The following MTREX variants were observed in gnomAD, a reference collection of about 807,000 sequenced individuals.
The protein encoded by MTREX is exosome RNA helicase MTR4.
In MTREX, 76 loss-of-function variants were observed where a neutral mutation model predicts 135.4. The ratio of observed to expected loss-of-function variants is 0.56; its 90% CI spans 0.47 to 0.68. The LOEUF is 0.68. Among genes scored for constraint, MTREX ranks in the 30% least tolerant of loss-of-function variants. MTREX has a pLI of 0.00. For missense variants in MTREX, 920 were observed against 1,262.1 expected, an observed-to-expected ratio of 0.73 and a Z score of 4.11; for synonymous variants, 404 against 401.6, an observed-to-expected ratio of 1.01 and a Z score of -0.07.
Position 55,327,787 on chromosome 5 carries a change from T to G in MTREX, c.402+9T>G, listed in dbSNP as rs780740175. The G allele has an allele frequency of 1.5e-5, 24 of 1,601,448 alleles. No individual in the cohort carries two copies. Among genetic ancestry groups the G allele is most frequent in the Non-Finnish European group, 2.1e-5 (24 of 1,169,090 alleles). On this transcript the variant is annotated intron_variant, in intron 4 of 26. Coordinates refer to ENST00000230640, the MANE Select transcript of MTREX (RefSeq NM_015360.5). ...TTGGAAAAGCTGCTAAGGTCTGTAC[T>G]TTGGGTAATACAGTTTATATAGTTT...
chr5:55,367,553 G>T (rs1200649101), intron 16 of MTREX, among the ~76,000 whole-genome samples: 3 of 151,846 alleles, frequency 2.0e-5, no homozygotes, highest in Admixed American at 6.6e-5. Flanking sequence ...ATAAAAGAGT[G>T]CCCTGGCATA....
chr5:55,368,655 G>A (rs1750143734), intron 16 of MTREX, among the ~76,000 whole-genome samples: 1 of 152,078 alleles, frequency 6.6e-6, no homozygotes, highest in Admixed American at 6.5e-5. Context: ...GCAGTGGTAC[G>A]ATCACAACTC....
intron 16 of MTREX, among the ~76,000 whole-genome samples, chr5:55,371,281 A>G (rs1157878943): frequency 1.3e-5 from 2 of 152,226 alleles, no homozygotes; most frequent in Non-Finnish European, 2.9e-5. Context: ...GTATTGCCAT[A>G]GAGCAGTAAA....
At chr5:55,308,905 T>A (rs1016592591) in intron 1 of MTREX, among the ~76,000 whole-genome samples, 2 of 152,156 alleles carry the variant, frequency 1.3e-5, no homozygotes, top group African/African-American at 4.8e-5. Flanking sequence ...AGATACCCAA[T>A]AGATGCTTGA....
At chr5:55,348,220 G>T (rs1363813893) in intron 11 of MTREX, among the ~76,000 whole-genome samples, 1 of 152,200 alleles carries the variant, frequency 6.6e-6, no homozygotes, top group South Asian at 2.1e-4. Flanking sequence ...AGTAGGGCAG[G>T]AGAGCATGCA....
intron 19 of MTREX, among the ~76,000 whole-genome samples, chr5:55,393,324 T>G (rs1750599182): frequency 6.6e-6 from 1 of 152,198 alleles, no homozygotes; most frequent in African/African-American, 2.4e-5. Context: ...GAGAAAAGGA[T>G]TTTTGGAGGT....
At chr5:55,340,682 C>T (rs1470069204) in intron 6 of MTREX, among the ~76,000 whole-genome samples, 3 of 152,040 alleles carry the variant, frequency 2.0e-5, no homozygotes, top group African/African-American at 7.2e-5. Flanking sequence ...CCTGGGTTCA[C>T]GCCATTCTCC....
chr5:55,322,380 A>G lies in MTREX; in HGVS notation c.188A>G (p.Lys63Arg). ...GAATCAACTAATAATGGAAAAAATA[A>G]GAGAGATGTAGATTTCGAAGGTACA... The part of the protein sequence containing the change: ...QSESTNNGKN[K>R]RDVDFEGTDE... The change falls in exon 2 of 27, where the codon AAG (lysine) becomes AGG (arginine). Residue 63 changes from lysine to arginine, a missense_variant. Lys to Arg is a conservative substitution (Grantham distance 26). This residue lies in a region of MTREX where 136 missense variants were observed against 126.7 expected (regional missense o/e 1.07). Coordinates refer to ENST00000230640, the MANE Select transcript of MTREX (RefSeq NM_015360.5). 1 of 1,607,560 alleles carries G rather than the reference A, an allele frequency of 6.2e-7. No individual in the cohort carries two copies. Among genetic ancestry groups the G allele is most frequent in the Non-Finnish European group, 8.5e-7 (1 of 1,175,122 alleles).
rs760882611 is a variant in MTREX, at chr5:55,400,447, G to T, written c.2481+26G>T. 4 of 1,486,154 alleles carry T rather than the reference G, an allele frequency of 2.7e-6. No homozygotes were observed. In the Admixed American group the frequency reaches 7.7e-5, roughly 29 times the overall value. 92.1% of individuals were successfully genotyped at this position (1,486,154 alleles called of 1,614,324 possible). A position where few individuals can be genotyped will look rare whatever the true frequency, so the allele number is the denominator to read the frequency against. On this transcript the variant is annotated intron_variant, in intron 21 of 26. Transcript: ENST00000230640. ...GTATGGCAGAAATTTGGTTTTTATA[G>T]TAGAATTCTATATGTTTCACTGAAT...
At chr5:55,383,225 TTCTA>T (rs1042948525) in intron 18 of MTREX, among the ~76,000 whole-genome samples, 3 of 152,192 alleles carry the variant, frequency 2.0e-5, no homozygotes, top group Non-Finnish European at 2.9e-5. Context: ...AGACATTTAT[TTCTA>T]TCTTTTATAA....
At chr5:55,400,154 A>G (rs914155545) in intron 20 of MTREX, 79 bp from the exon 21 acceptor site, 39 of 1,129,030 alleles carry the variant, frequency 3.5e-5, no homozygotes, top group Non-Finnish European at 4.6e-5. Flanking sequence ...GTGCATAGAA[A>G]AAAAGGGAAA....
At chr5:55,407,300 T>C (rs145621817) in intron 22 of MTREX, among the ~76,000 whole-genome samples, 341 of 152,344 alleles carry the variant, frequency 2.2e-3, no homozygotes, top group African/African-American at 7.8e-3. Flanking sequence ...TTAGTTGTTA[T>C]CACAGGATAA....
At position 55,405,551 on chromosome 5, in the gene MTREX, A is replaced by T; in HGVS notation, c.2608A>T (p.Ile870Leu). 1 of 1,613,708 alleles carries T rather than the reference A, an allele frequency of 6.2e-7. No homozygotes were observed. ...RLGFATSSDV[I>L]EMKGRVACEI... ...GGGATTTGCTACTTCTTCTGATGTA[A>T]TAGAGATGAAAGGACGAGTGGCTTG... The change falls in exon 22 of 27, where the codon ATA (isoleucine) becomes TTA (leucine). Residue 870 changes from isoleucine to leucine, a missense_variant. By Grantham distance (5) the Ile-to-Leu change is conservative. Around this residue, in one of 6 missense-constraint regions of MTREX, gnomAD observed 467 missense variants for 589.7 expected, o/e 0.79. Coordinates refer to ENST00000230640, the MANE Select transcript of MTREX (RefSeq NM_015360.5).
intron 5 of MTREX, among the ~76,000 whole-genome samples, chr5:55,330,453 T>C (rs1280242711): frequency 6.6e-6 from 1 of 152,116 alleles, no homozygotes; most frequent in East Asian, 1.9e-4. Context: ...TTTTTTTAGC[T>C]TCCTTTTTTT....
intron 16 of MTREX, 131 bp from the exon 17 acceptor site, chr5:55,378,183 A>T: frequency 9.6e-7 from 1 of 1,042,362 alleles, no homozygotes; most frequent in Non-Finnish European, 1.3e-6. Context: ...ATAGAGACTT[A>T]CAGGAAGGTG....
At chr5:55,405,669 G>C (rs1750793146) in intron 22 of MTREX, 81 bp downstream of exon 22, 2 of 1,254,172 alleles carry the variant, frequency 1.6e-6, no homozygotes, top group Non-Finnish European at 2.2e-6. Flanking sequence ...TTTTGAGATG[G>C]AGTCTCACTG....
At chr5:55,377,190 G>A (rs183855924) in intron 16 of MTREX, among the ~76,000 whole-genome samples, 18 of 152,266 alleles carry the variant, frequency 1.2e-4, no homozygotes, top group Admixed American at 1.1e-3. Flanking sequence ...AGCTGGGCAT[G>A]GTAGCGGGCG....
intron 14 of MTREX, chr5:55,356,640 T>A: frequency 6.3e-6 from 1 of 158,510 alleles, no homozygotes. Flanking sequence ...CGAGTAACTA[T>A]ACTTGTCTCT....
At chr5:55,330,159 A>G (rs1014008839) in intron 5 of MTREX, among the ~76,000 whole-genome samples, 25 of 151,938 alleles carry the variant, frequency 1.6e-4, no homozygotes, top group African/African-American at 4.3e-4. Context: ...GCTCATTTGC[A>G]TTCTCAAACT....
Sources: gnomAD v4.1 joint callset for allele counts (sites outside exome capture counted in the v4.1 genomes callset) on GRCh38, gnomAD v4.1.1 for gene constraint, gnomAD v4.1.1 regional missense constraint, MANE v1.5 for transcripts, NCBI Gene and HGNC (gene_info 2026-07-23, HGNC 2026-07-21) for gene names.